Variants in GNAO1 observed in about 807,000 individuals in gnomAD.
The protein encoded by GNAO1 is guanine nucleotide-binding protein G(o) subunit alpha.
For synonymous variants in GNAO1, 164 were observed against 180.7 expected (o/e 0.91, Z 0.74); for missense variants, 166 against 478.7 (o/e 0.35, Z 6.10).
intron 2 of GNAO1, chr16:56,270,462 C>G (rs182153125): frequency 1.2e-3 from 183 of 152,274 alleles, no homozygotes; most frequent in African/African-American, 4.3e-3. Context: ...CACACAGGGA[C>G]ACACACGTCT....
chr16:56,283,998 G>A (rs2037139772), intron 3 of GNAO1, among the ~76,000 whole-genome samples: 1 of 152,218 alleles, frequency 6.6e-6, no homozygotes, highest in African/African-American at 2.4e-5. Flanking sequence ...TCAGCTTCCT[G>A]CATCACAGCT....
rs557332147 is a variant in GNAO1, at chr16:56,351,762, G to C, written c.877+225G>C. 22 of 528,060 alleles carry C rather than the reference G, an allele frequency of 4.2e-5. No individual in the cohort carries two copies. In the South Asian group the frequency reaches 4.8e-4, roughly 12 times the overall value. The allele number at this position is 528,060 out of a possible 1,614,324, so 32.7% of individuals were successfully genotyped here. On this transcript the variant is annotated intron_variant, in intron 7 of 8. Coordinates refer to ENST00000262493, the MANE Select transcript of GNAO1 (RefSeq NM_020988.3). This position sits in a 1 kb window ranked among gnomAD's most constrained non-coding sequence, Gnocchi z 6.1. ...AAATGGCCCCTCCTAAGATATATGTGTTAGGACCAAGTGACTCAGGAGTGG... is the reference window on the plus strand; with the variant it reads ...AAATGGCCCCTCCTAAGATATATGTCTTAGGACCAAGTGACTCAGGAGTGG...
At chr16:56,349,529 A>G (rs1015297563) in intron 6 of GNAO1, among the ~76,000 whole-genome samples, 1 of 152,250 alleles carries the variant, frequency 6.6e-6, no homozygotes, top group Non-Finnish European at 1.5e-5. Flanking sequence ...GCTCAGGGCA[A>G]GCGAGACCTG....
Position 56,330,767 on chromosome 16 carries a change from AT to A in GNAO1, c.464+1977del, listed in dbSNP as rs1464018570. ...CCGGTGCTTACCTTTATAACTTTAA[AT>A]AAGAAACTTGAGTCAGTATTTGTCA... On this transcript the variant is annotated intron_variant, in intron 4 of 8. Transcript: ENST00000262493. Among the ~76,000 whole-genome samples, 17 of 152,362 alleles carry A rather than the reference AT, an allele frequency of 1.1e-4. No individual in the cohort carries two copies. The East Asian group carries it at 3.3e-3, about 29-fold the overall frequency.
At chr16:56,347,291 A>C in intron 6 of GNAO1, 1 of 985,426 alleles carries the variant, frequency 1.0e-6, no homozygotes. Flanking sequence ...CTCCGCGGCC[A>C]CCAGAGATTC....
chr16:56,248,641 C>T (rs2036771513), intron 2 of GNAO1, among the ~76,000 whole-genome samples: 1 of 152,152 alleles, frequency 6.6e-6, no homozygotes. Context: ...TGGTCAGGGA[C>T]ATTCTCTCCA....
Position 56,351,127 on chromosome 16 carries a change from C to T in GNAO1, c.724-257C>T, listed in dbSNP as rs376282449. On this transcript the variant is annotated intron_variant, in intron 6 of 8. Transcript: ENST00000262493. The surrounding 1 kb of genome is among the most constrained non-coding windows in gnomAD (Gnocchi z 6.1). The stretch of plus-strand genomic sequence containing the variant: ...GTGGGGAGAGCCCGGGTCACCCTGT[C>T]CTCAGCCTCCCCAGAGAGCCATGGC... Among the ~76,000 whole-genome samples the T allele has an allele frequency of 3.9e-5, 6 of 152,350 alleles. No homozygotes were observed. In the South Asian group the frequency reaches 1.0e-3, roughly 26 times the overall value.
intron 3 of GNAO1, among the ~76,000 whole-genome samples, chr16:56,316,986 G>A (rs1402863824): frequency 1.3e-5 from 2 of 152,174 alleles, no homozygotes; most frequent in Non-Finnish European, 2.9e-5. Context: ...GGCCACAGTC[G>A]CCTTCCCACC....
chr16:56,251,238 C>T (rs1409962742), intron 2 of GNAO1, among the ~76,000 whole-genome samples: 2 of 152,198 alleles, frequency 1.3e-5, no homozygotes, highest in Admixed American at 1.3e-4. Context: ...CCATCTCGAT[C>T]GAAATTGGCA....
At chr16:56,319,580 C>T (rs1215277462) in intron 3 of GNAO1, among the ~76,000 whole-genome samples, 1 of 152,160 alleles carries the variant, frequency 6.6e-6, no homozygotes, top group Non-Finnish European at 1.5e-5. Context: ...GGCTGTTATA[C>T]TGATTGTCAC....
At position 56,199,426 on chromosome 16, in the gene GNAO1, C is replaced by T. The variant is rs532203491; in HGVS notation, c.161+6810C>T. Among the ~76,000 whole-genome samples the T allele has an allele frequency of 5.3e-5, 8 of 152,264 alleles. No homozygotes were observed. The South Asian group carries it at 1.5e-3, about 28-fold the overall frequency. On this transcript the variant is annotated intron_variant, in intron 2 of 8. Transcript: ENST00000262493. The stretch of plus-strand genomic sequence containing the variant: ...GACATTAGAAGAGAAGTGGTTTTTC[C>T]GTGGCTTCCAGGATGCTCAGAAGTG...
intron 2 of GNAO1, among the ~76,000 whole-genome samples, chr16:56,275,462 TAA>T (rs752423922): frequency 3.3e-5 from 5 of 152,222 alleles, no homozygotes; most frequent in Admixed American, 2.0e-4. Flanking sequence ...TTGTTTGTCT[TAA>T]GTGAATCATT....
chr16:56,339,063 G>A (rs1164694253), intron 6 of GNAO1, among the ~76,000 whole-genome samples: 8 of 152,356 alleles, frequency 5.3e-5, no homozygotes, highest in South Asian at 2.1e-4. Flanking sequence ...GTAGCAGCTC[G>A]TGCAGGGAAT....
chr16:56,335,951 C>T (rs1337612086), intron 5 of GNAO1, among the ~76,000 whole-genome samples: 4 of 152,176 alleles, frequency 2.6e-5, no homozygotes, highest in Non-Finnish European at 5.9e-5. Flanking sequence ...CCGTTGTGTC[C>T]GGTGGGACCA....
At chr16:56,275,344 T>C (rs2143519326) in intron 2 of GNAO1, among the ~76,000 whole-genome samples, 1 of 152,358 alleles carries the variant, frequency 6.6e-6, no homozygotes. Flanking sequence ...TTGTCCCTGT[T>C]CAGATCCACC....
At chr16:56,222,129 G>A (rs2036495425) in intron 2 of GNAO1, among the ~76,000 whole-genome samples, 1 of 152,142 alleles carries the variant, frequency 6.6e-6, no homozygotes, top group African/African-American at 2.4e-5. Flanking sequence ...GTCTTCCTAA[G>A]TGATGCTGAC....
At position 56,354,413 on chromosome 16, in the gene GNAO1, C is replaced by T. The variant is rs1287117561; in HGVS notation, c.878-453C>T. Among the ~76,000 whole-genome samples, 2 of 152,210 alleles carry T rather than the reference C, an allele frequency of 1.3e-5. No homozygotes were observed. The highest frequency in any genetic ancestry group is 2.9e-5 in the Non-Finnish European group (2 of 68,032). On this transcript the variant is annotated intron_variant, in intron 7 of 8. Coordinates refer to ENST00000262493, the MANE Select transcript of GNAO1 (RefSeq NM_020988.3). The surrounding 1 kb of genome is among the most constrained non-coding windows in gnomAD (Gnocchi z 4.3). Reference sequence around the variant, plus strand: ...TGGCAAGGCCAGGCGTGGTGGCTCACGTCTGTAATCCCAGCACTTTGGGAG... The same window carrying T: ...TGGCAAGGCCAGGCGTGGTGGCTCATGTCTGTAATCCCAGCACTTTGGGAG...
chr16:56,220,076 A>T (rs775936196), intron 2 of GNAO1, among the ~76,000 whole-genome samples: 1 of 152,176 alleles, frequency 6.6e-6, no homozygotes, highest in Non-Finnish European at 1.5e-5. Context: ...AAACTTCTCC[A>T]TACCTATTAT....
intron 2 of GNAO1, among the ~76,000 whole-genome samples, chr16:56,271,827 T>C (rs2037020822): frequency 6.6e-6 from 1 of 152,174 alleles, no homozygotes; most frequent in Admixed American, 6.5e-5. Context: ...TCCCAACTCT[T>C]TTGCTTATGA....
Sources: allele counts gnomAD v4.1 joint callset (sites outside exome capture counted in the v4.1 genomes callset), GRCh38; gene constraint gnomAD v4.1.1; non-coding constraint Gnocchi (gnomAD v3.1); transcripts MANE v1.5; gene names NCBI Gene and HGNC (gene_info 2026-07-23, HGNC 2026-07-21).